The following VTI1A variants were observed in gnomAD, a reference collection of about 807,000 sequenced individuals.
VTI1A encodes the protein vesicle transport through interaction with t-SNAREs homolog 1A.
A neutral mutation model predicts 34.9 loss-of-function variants in VTI1A; 22 were observed. The ratio of observed to expected loss-of-function variants is 0.63; its 90% CI spans 0.45 to 0.90. The LOEUF (loss-of-function observed/expected upper bound fraction) is 0.90. Ranked by LOEUF, VTI1A falls within the 40% of genes least tolerant of loss-of-function variation. VTI1A has a pLI of 0.00. For synonymous variants in VTI1A, 87 were observed against 97.3 expected (o/e 0.89, Z 0.62); for missense variants, 268 against 275.6 (o/e 0.97, Z 0.20).
At chr10:112,493,385 A>C (rs1421105562) in intron 3 of VTI1A, among the ~76,000 whole-genome samples, 1 of 152,136 alleles carries the variant, frequency 6.6e-6, no homozygotes, top group African/African-American at 2.4e-5. Context: ...TTTTCTACAT[A>C]AAATATCATG....
chr10:112,792,052 T>C (rs142662367), intron 7 of VTI1A, among the ~76,000 whole-genome samples: 1,644 of 152,180 alleles, frequency 0.011, 31 homozygotes, highest in African/African-American at 0.037. Context: ...GAGGCAGGCG[T>C]ATCACAATGT....
intron 1 of VTI1A, among the ~76,000 whole-genome samples, chr10:112,459,509 G>C (rs931364382): frequency 6.6e-6 from 1 of 152,128 alleles, no homozygotes; most frequent in Admixed American, 6.5e-5. Flanking sequence ...ATTAGATGCC[G>C]GTCATTTGCC....
intron 5 of VTI1A, among the ~76,000 whole-genome samples, chr10:112,656,276 G>C (rs146889609): frequency 6.7e-4 from 102 of 152,128 alleles, no homozygotes; most frequent in African/African-American, 2.3e-3. Context: ...GGCATGTATG[G>C]CATGTGTTTG....
chr10:112,842,037 CTTTTTTTTTTTTCCT>C, the VTI1A span, among the ~76,000 whole-genome samples: 3 of 39,904 alleles, frequency 7.5e-5, no homozygotes, highest in African/African-American at 1.7e-4. Context: ...GAGTTCTTTT[CTTTTTTTTTTTTCCT>C]TTTTTTTTTT....
intron 7 of VTI1A, among the ~76,000 whole-genome samples, chr10:112,729,149 G>A (rs1322886314): frequency 6.6e-6 from 1 of 152,112 alleles, no homozygotes; most frequent in Non-Finnish European, 1.5e-5. Flanking sequence ...AGAGGGAATG[G>A]AAATTGGCCA....
chr10:112,460,691 C>A, intron 2 of VTI1A, 109 bp downstream of exon 2: 2 of 794,932 alleles, frequency 2.5e-6, no homozygotes, highest in Non-Finnish European at 3.6e-6. Context: ...TGCTGATTAG[C>A]ATTTTATAAT....
intron 7 of VTI1A, among the ~76,000 whole-genome samples, chr10:112,812,073 G>T (rs893669551): frequency 1.3e-5 from 2 of 152,152 alleles, no homozygotes; most frequent in African/African-American, 4.8e-5. Flanking sequence ...TGATGTTTCG[G>T]GCCCACATTC....
chr10:112,553,984 G>A (rs1049532545), intron 5 of VTI1A, among the ~76,000 whole-genome samples: 1 of 152,146 alleles, frequency 6.6e-6, no homozygotes, highest in Non-Finnish European at 1.5e-5. Flanking sequence ...GAAGTGAAAG[G>A]ATAGATGACT....
At chr10:112,500,174 T>G (rs1564802323) in intron 3 of VTI1A, among the ~76,000 whole-genome samples, 1 of 152,148 alleles carries the variant, frequency 6.6e-6, no homozygotes, top group East Asian at 1.9e-4. Flanking sequence ...TGGTGACTCA[T>G]GCCTGTAATC....
chr10:112,842,767 A>C, the VTI1A span, among the ~76,000 whole-genome samples: 3 of 152,230 alleles, frequency 2.0e-5, no homozygotes, highest in African/African-American at 7.2e-5. Context: ...ATGTTTGGCA[A>C]CATGGAGAAT....
intron 7 of VTI1A, among the ~76,000 whole-genome samples, chr10:112,814,626 C>G (rs1346952384): frequency 3.3e-5 from 5 of 152,084 alleles, no homozygotes; most frequent in Non-Finnish European, 7.3e-5. Context: ...GAGGTAAAGG[C>G]CCAGCAACAG....
At chr10:112,508,221 G>A (rs1394317710) in intron 3 of VTI1A, among the ~76,000 whole-genome samples, 1 of 152,158 alleles carries the variant, frequency 6.6e-6, no homozygotes, top group Admixed American at 6.5e-5. Context: ...TTCAAACAAA[G>A]GAAATAGATT....
intron 7 of VTI1A, among the ~76,000 whole-genome samples, chr10:112,810,808 G>A (rs148877540): frequency 1.8e-3 from 278 of 152,310 alleles, no homozygotes; most frequent in Admixed American, 4.3e-3. Flanking sequence ...GCCTGGTGAG[G>A]CCTCACGCAT....
At chr10:112,830,850 T>TATATATATATATATATATATATATATATA in the VTI1A span, among the ~76,000 whole-genome samples, 10 of 29,804 alleles carry the variant, frequency 3.4e-4, no homozygotes, top group Admixed American at 4.4e-4. Flanking sequence ...TATATATATA[T>TATATATATATATATATATATATATATATA]TTTTTTTTTT....
intron 7 of VTI1A, among the ~76,000 whole-genome samples, chr10:112,680,493 A>G (rs1170843698): frequency 6.6e-6 from 1 of 152,196 alleles, no homozygotes; most frequent in Non-Finnish European, 1.5e-5. Context: ...TGGCGGTAAC[A>G]CCATCAGCCT....
chr10:112,673,169 A>G (rs1469327859), intron 7 of VTI1A, among the ~76,000 whole-genome samples: 2 of 152,012 alleles, frequency 1.3e-5, no homozygotes, highest in East Asian at 3.9e-4. Context: ...AATACAAAAA[A>G]AATTCGCCAG....
At chr10:112,830,849 A>ATATATATATATATATAT in the VTI1A span, among the ~76,000 whole-genome samples, 23 of 33,496 alleles carry the variant, frequency 6.9e-4, no homozygotes, top group East Asian at 2.9e-3. Context: ...ATATATATAT[A>ATATATATATATATATAT]TTTTTTTTTT....
At chr10:112,479,012 C>A (rs1848375260) in intron 3 of VTI1A, among the ~76,000 whole-genome samples, 1 of 151,992 alleles carries the variant, frequency 6.6e-6, no homozygotes, top group South Asian at 2.1e-4. Flanking sequence ...ACTAAAAATA[C>A]AAAAATTAGC....
chr10:112,549,308 G>C (rs1851257051), intron 5 of VTI1A, among the ~76,000 whole-genome samples: 1 of 152,238 alleles, frequency 6.6e-6, no homozygotes, highest in Non-Finnish European at 1.5e-5. Context: ...GAGCCCTACT[G>C]AGTGTCAGGT....
Sources: allele counts gnomAD v4.1 joint callset (sites outside exome capture counted in the v4.1 genomes callset), GRCh38; gene constraint gnomAD v4.1.1; transcripts MANE v1.5; gene names NCBI Gene and HGNC (gene_info 2026-07-23, HGNC 2026-07-21).